The following CKMT2 variants were observed in gnomAD, a reference collection of about 807,000 sequenced individuals.
CKMT2 encodes creatine kinase S-type, mitochondrial.
CKMT2 carries 43 observed loss-of-function variants against 48.9 expected under a neutral mutation model. That is an observed-to-expected ratio of 0.88 (90% CI 0.69 to 1.13). The LOEUF is 1.13. Ranked by LOEUF, CKMT2 falls within the 50% of genes most tolerant of loss-of-function variation. The pLI is 0.00. For missense variants in CKMT2, 472 were observed against 555.4 expected (o/e 0.85, Z 1.51); for synonymous variants, 206 against 213.0 (o/e 0.97, Z 0.29).
At chr5:81,233,623 G>A (rs1281101930) in intron 1 of CKMT2, among the ~76,000 whole-genome samples, 1 of 152,148 alleles carries the variant, frequency 6.6e-6, no homozygotes, top group Non-Finnish European at 1.5e-5. Context: ...TCAGCACGCT[G>A]CCTGCAGGGC....
rs747952539 is a variant in CKMT2, at chr5:81,257,907, A to ATTGT, written c.879+57_879+60dup. 1.9e-6 allele frequency: 3 copies of ATTGT among 1,551,572 alleles called. No individual in the cohort carries two copies. The Admixed American group carries it at 5.5e-5, about 28-fold the overall frequency. Reference sequence around the variant, plus strand: ...ATATTTATTAAAATAAAATTACCGTATTGTTTGTTCTTGAAAGAAGACACT... The same window carrying ATTGT: ...ATATTTATTAAAATAAAATTACCGTATTGTTTGTTTGTTCTTGAAAGAAGACACT... On this transcript the variant is annotated intron_variant, in intron 7 of 9. Coordinates refer to ENST00000254035, the MANE Select transcript of CKMT2 (RefSeq NM_001099735.2).
At chr5:81,263,685 A>G in intron 9 of CKMT2, 69 bp downstream of exon 9, 1 of 1,479,076 alleles carries the variant, frequency 6.8e-7, no homozygotes, top group Non-Finnish European at 9.2e-7. Flanking sequence ...AGAAAAGCAA[A>G]CAGCCTAGCC....
rs554828214 is a variant in CKMT2 at position 81,251,542 on chromosome 5, C to G, written c.152+258C>G. On this transcript the variant is annotated intron_variant, in intron 2 of 9. Coordinates refer to ENST00000254035, the MANE Select transcript of CKMT2 (RefSeq NM_001099735.2). ...GGCGGAGGTTGTTGTGAGCCGAGAT[C>G]GCGCCACTGCACTCCAGCCTGGCAA... 7.9e-5 allele frequency among the ~76,000 whole-genome samples: 12 copies of G among 152,234 alleles called. No individual in the cohort carries two copies. The South Asian group carries it at 2.3e-3, about 29-fold the overall frequency.
At chr5:81,257,943 C>T in intron 7 of CKMT2, 87 bp downstream of exon 7, 1 of 1,308,562 alleles carries the variant, frequency 7.6e-7, no homozygotes, top group Non-Finnish European at 1.0e-6. Context: ...ATGGTAACTT[C>T]CAAGATGGAG....
Position 81,251,223 on chromosome 5 carries a change from C to T in CKMT2, c.91C>T (p.Leu31=). 6.2e-7 allele frequency: 1 copy of T among 1,614,234 alleles called. No individual in the cohort carries two copies. The highest frequency in any genetic ancestry group is 8.5e-7 in the Non-Finnish European group (1 of 1,180,046). The change falls in exon 2 of 10, where the codon CTG becomes TTG. Residue 31 remains leucine (L), a synonymous_variant. Coordinates refer to ENST00000254035, the MANE Select transcript of CKMT2 (RefSeq NM_001099735.2). ...CACCAGTGTCCTGACCACCGGGTAC[C>T]TGCTGAACCGGCAGAAAGTGTGTGC... ...MGTSVLTTGY[L]LNRQKVCAEV...
chr5:81,257,718 TTC>T lies in CKMT2; in HGVS notation c.756-9_756-8del. The T allele has an allele frequency of 6.2e-7, 1 of 1,607,898 alleles. No individual in the cohort carries two copies. The highest frequency in any genetic ancestry group is 8.5e-7 in the Non-Finnish European group (1 of 1,176,530). On this transcript the variant is annotated splice_polypyrimidine_tract_variant and intron_variant, in intron 6 of 9. Transcript: ENST00000254035. ...ATGCAATTAACACTCAGTACCATATTTCTCTCTTCATTAGGCATAATTATGAT... is the reference window on the plus strand; with the variant it reads ...ATGCAATTAACACTCAGTACCATATTTCTCTTCATTAGGCATAATTATGAT...
chr5:81,245,484 C>G (rs1200772157), intron 1 of CKMT2: 1 of 152,254 alleles, frequency 6.6e-6, no homozygotes, highest in African/African-American at 2.4e-5. Flanking sequence ...TCCTTTCCTC[C>G]TTGTAATGCA....
chr5:81,263,680 A>G, intron 9 of CKMT2, 64 bp downstream of exon 9: 1 of 1,498,612 alleles, frequency 6.7e-7, no homozygotes. Flanking sequence ...AATAGAGAAA[A>G]GCAAACAGCC....
chr5:81,261,640 G>A (rs1757228711), intron 8 of CKMT2, among the ~76,000 whole-genome samples: 2 of 152,078 alleles, frequency 1.3e-5, no homozygotes, highest in Admixed American at 1.3e-4. Context: ...AACTTACGAG[G>A]GATGTGAAGG....
chr5:81,242,584 G>C, intron 1 of CKMT2: 1 of 375,220 alleles, frequency 2.7e-6, no homozygotes, highest in Non-Finnish European at 5.2e-6. Context: ...GGCACACAAA[G>C]ATGGGGTTGG....
rs754984187 is a variant in CKMT2 at position 81,259,126 on chromosome 5, C to T, written c.886C>T (p.Arg296Trp). Residue 296 changes from arginine (R) to tryptophan (W), a missense_variant, in exon 8 of 10, where the codon CGG (arginine) becomes TGG (tryptophan). By Grantham distance (101) the Arg-to-Trp change is moderately radical (BLOSUM62 -3). Transcript: ENST00000254035. ...RFCRGLKEVE[R>W]LIQERGWEFM... ...ACTGTGGTTCTACTTGTAGGTAGAA[C>T]GGTTAATCCAAGAACGAGGCTGGGA... 1.1e-5 allele frequency: 18 copies of T among 1,611,936 alleles called. No individual in the cohort carries two copies. The highest frequency in any genetic ancestry group is 8.9e-5 in the East Asian group (4 of 44,860).
intron 1 of CKMT2, among the ~76,000 whole-genome samples, chr5:81,250,380 C>T (rs1284029133): frequency 6.6e-6 from 1 of 152,194 alleles, no homozygotes; most frequent in African/African-American, 2.4e-5. Flanking sequence ...CCAGCATCTT[C>T]AGTCGTTAGC....
At chr5:81,237,055 AG>A (rs1470401072) in intron 1 of CKMT2, among the ~76,000 whole-genome samples, 1 of 152,234 alleles carries the variant, frequency 6.6e-6, no homozygotes, top group Non-Finnish European at 1.5e-5. Context: ...AGGCTGAGGC[AG>A]GAGAATTGCT....
intron 7 of CKMT2, among the ~76,000 whole-genome samples, 165 bp from the exon 8 acceptor site, chr5:81,258,955 T>G (rs549637248): frequency 6.6e-6 from 1 of 152,268 alleles, no homozygotes; most frequent in African/African-American, 2.4e-5. Context: ...ATTTTAATAG[T>G]CTGGTAGGAG....
At chr5:81,265,254 A>G (rs912800746) in intron 9 of CKMT2, among the ~76,000 whole-genome samples, 5 of 152,198 alleles carry the variant, frequency 3.3e-5, no homozygotes, top group African/African-American at 1.2e-4. Flanking sequence ...AAAAGGATAA[A>G]TAGAAAATAT....
At chr5:81,255,669 T>C (rs999942236) in intron 5 of CKMT2, among the ~76,000 whole-genome samples, 8 of 152,158 alleles carry the variant, frequency 5.3e-5, no homozygotes, top group Non-Finnish European at 8.8e-5. Flanking sequence ...AGCCTCTGCA[T>C]TTCCTGGTGG....
chr5:81,248,633 T>G (rs1756692402), intron 1 of CKMT2, among the ~76,000 whole-genome samples: 1 of 152,210 alleles, frequency 6.6e-6, no homozygotes, highest in African/African-American at 2.4e-5. Flanking sequence ...CAGGACAACT[T>G]CAAGAAATGA....
rs1580447040 is a variant in CKMT2 at position 81,252,716 on chromosome 5, C to T, written c.174C>T (p.Arg58=). 6.2e-7 allele frequency: 1 copy of T among 1,614,214 alleles called. No homozygotes were observed. Among genetic ancestry groups the T allele is most frequent in the Non-Finnish European group, 8.5e-7 (1 of 1,180,026 alleles). The part of the protein sequence containing the change: ...FPPSADYPDL[R]KHNNCMAECL... ...ACAGCGCAGACTACCCAGACCTGCG[C>T]AAGCACAACAACTGCATGGCCGAGT... The change falls in exon 3 of 10, where the codon CGC becomes CGT. Residue 58 remains arginine (R), a synonymous_variant. Transcript: ENST00000254035.
At chr5:81,255,757 C>T (rs1194846768) in intron 5 of CKMT2, among the ~76,000 whole-genome samples, 1 of 151,092 alleles carries the variant, frequency 6.6e-6, no homozygotes, top group Non-Finnish European at 1.5e-5. Flanking sequence ...AAGTCCCTTA[C>T]TTATTTTCGT....
Sources: allele counts gnomAD v4.1 joint callset (sites outside exome capture counted in the v4.1 genomes callset), GRCh38; gene constraint gnomAD v4.1.1; transcripts MANE v1.5; gene names NCBI Gene and HGNC (gene_info 2026-07-23, HGNC 2026-07-21).